Variants in SGCG observed in about 807,000 individuals in gnomAD.
SGCG encodes gamma-sarcoglycan.
In SGCG, 26 loss-of-function variants were observed where a neutral mutation model predicts 29.3. That is an observed-to-expected ratio of 0.89 (90% confidence interval 0.65 to 1.23). SGCG has a LOEUF of 1.23. SGCG is among the 50% of genes most tolerant of loss of function. SGCG has a pLI of 0.00. For synonymous variants in SGCG, 145 were observed against 129.7 expected (o/e 1.12, Z -0.80); for missense variants, 353 against 356.0 (o/e 0.99, Z 0.07).
chr13:23,243,482 CA>C (rs1879585908), intron 3 of SGCG: 1 of 152,244 alleles, frequency 6.6e-6, no homozygotes, highest in African/African-American at 2.4e-5. Context: ...CCCCTAGCCT[CA>C]AGACAGTCTG....
intron 4 of SGCG, among the ~76,000 whole-genome samples, chr13:23,251,332 C>T (rs1054078792): frequency 2.0e-5 from 3 of 152,230 alleles, no homozygotes; most frequent in African/African-American, 7.2e-5. Flanking sequence ...CACCACATTC[C>T]TTTGGGTCAG....
Position 23,324,677 on chromosome 13 carries a change from T to A in SGCG, c.*136T>A, listed in dbSNP as rs3751372. The A allele has an allele frequency of 8.4e-3, 6,434 of 769,156 alleles. 78 individuals are homozygous for A. The highest frequency in any genetic ancestry group is 0.035 in the African/African-American group (2,027 of 58,196). 47.6% of individuals were successfully genotyped at this position (769,156 alleles called of 1,614,324 possible). On this transcript the variant is annotated 3_prime_UTR_variant, in exon 8 of 8. Coordinates refer to ENST00000218867, the MANE Select transcript of SGCG (RefSeq NM_000231.3). ...TTCCAGAGGAACTCAGAAAAAATTA[T>A]GTGCCAGTGAAAGTGTTTGGACAAA...
chr13:23,172,326 CTT>C, the SGCG span, among the ~76,000 whole-genome samples: 1 of 152,106 alleles, frequency 6.6e-6, no homozygotes, highest in African/African-American at 2.4e-5. Context: ...AAACATAACA[CTT>C]AGGAAAGTCA....
In SGCG at chr13:23,275,129, A is replaced by ATATATG. The variant is rs1251496899; in HGVS notation, c.386-4225_386-4224insGTATAT. ...GTGTTCTAATGGATGGAATATATATATATATATATATATAGAAATGAGGAC... is the reference window on the plus strand; with the variant it reads ...GTGTTCTAATGGATGGAATATATATATATATGTATATATATATATAGAAATGAGGAC... On this transcript the variant is annotated intron_variant, in intron 4 of 7. Coordinates refer to ENST00000218867, the MANE Select transcript of SGCG (RefSeq NM_000231.3). Among the ~76,000 whole-genome samples, 5 of 147,428 alleles carry ATATATG rather than the reference A, an allele frequency of 3.4e-5. No individual in the cohort carries two copies. In the East Asian group the frequency reaches 9.9e-4, roughly 29 times the overall value.
chr13:23,259,717 G>T (rs144101867), intron 4 of SGCG, among the ~76,000 whole-genome samples: 3,233 of 152,274 alleles, frequency 0.021, 63 homozygotes, highest in East Asian at 0.076. Context: ...TGCTTTAAAT[G>T]CATCCCAGAG....
chr13:23,320,494 G>T, intron 6 of SGCG, 143 bp from the exon 7 acceptor site: 1 of 706,696 alleles, frequency 1.4e-6, no homozygotes, highest in Non-Finnish European at 2.4e-6. Flanking sequence ...AATGAATAAT[G>T]CACAATATGT....
At chr13:23,314,811 T>C (rs1354640470) in intron 6 of SGCG, among the ~76,000 whole-genome samples, 1 of 152,192 alleles carries the variant, frequency 6.6e-6, no homozygotes, top group Non-Finnish European at 1.5e-5. Flanking sequence ...GAAGGATAAG[T>C]TGCTGCATTT....
At chr13:23,228,576 GTTTTTTGTTTGC>G (rs1878989544) in intron 2 of SGCG, among the ~76,000 whole-genome samples, 1 of 152,082 alleles carries the variant, frequency 6.6e-6, no homozygotes, top group South Asian at 2.1e-4. Flanking sequence ...GTACCTGATA[GTTTTTTGTTTGC>G]TTGTTTGTTT....
chr13:23,264,071 G>A (rs185534556), intron 4 of SGCG, among the ~76,000 whole-genome samples: 36 of 152,172 alleles, frequency 2.4e-4, no homozygotes, highest in Admixed American at 1.2e-3. Context: ...CGTACTGAAA[G>A]TGCTAGCCAG....
chr13:23,219,861 T>G (rs1878588572), intron 2 of SGCG, among the ~76,000 whole-genome samples: 1 of 138,860 alleles, frequency 7.2e-6, no homozygotes, highest in Admixed American at 8.1e-5. Flanking sequence ...AGACGGAGTC[T>G]CGCTCTGTCG....
intron 6 of SGCG, among the ~76,000 whole-genome samples, chr13:23,308,646 C>T (rs1411001635): frequency 1.3e-5 from 2 of 152,226 alleles, no homozygotes; most frequent in Middle Eastern, 3.4e-3. Flanking sequence ...CTCACTGCAG[C>T]CTCCACCTCC....
At chr13:23,247,954 TA>T (rs200707498) in intron 3 of SGCG, among the ~76,000 whole-genome samples, 15,491 of 110,334 alleles carry the variant, frequency 0.14, 986 homozygotes, top group South Asian at 0.24. Flanking sequence ...TCCCATCTCT[TA>T]AAAAAAAAAA....
intron 4 of SGCG, among the ~76,000 whole-genome samples, chr13:23,273,683 TTTTA>T (rs1279174026): frequency 6.6e-6 from 1 of 152,228 alleles, no homozygotes; most frequent in Non-Finnish European, 1.5e-5. Context: ...TCTTTTTGCT[TTTTA>T]TTTGTGTCAG....
chr13:23,255,432 C>A (rs1880140656), intron 4 of SGCG, among the ~76,000 whole-genome samples: 3 of 152,152 alleles, frequency 2.0e-5, no homozygotes, highest in Admixed American at 6.5e-5. Context: ...GGACTTCATG[C>A]TGGAATGAGT....
chr13:23,188,480 ATTTTTTTTTT>A (rs71218545), intron 1 of SGCG, among the ~76,000 whole-genome samples: 7 of 120,492 alleles, frequency 5.8e-5, no homozygotes, highest in Admixed American at 8.4e-5. Context: ...CGCCTGCCTA[ATTTTTTTTTT>A]TTTTTTTTTT....
chr13:23,235,499 T>C lies in SGCG; in HGVS notation c.297+787T>C, dbSNP rs562178890. Reference sequence around the variant, plus strand: ...ATTCAGCATTGTTATTAAATACTTATGTGACTTTAAAAGTAAATCAAGGTT... The same window carrying C: ...ATTCAGCATTGTTATTAAATACTTACGTGACTTTAAAAGTAAATCAAGGTT... On this transcript the variant is annotated intron_variant, in intron 3 of 7. Coordinates refer to ENST00000218867, the MANE Select transcript of SGCG (RefSeq NM_000231.3). Among the ~76,000 whole-genome samples, 293 of 152,390 alleles carry C rather than the reference T, an allele frequency of 1.9e-3. 2 individuals carry two copies. The highest frequency in any genetic ancestry group is 6.7e-3 in the African/African-American group (278 of 41,600).
At chr13:23,306,209 A>T (rs1882356265) in intron 6 of SGCG, among the ~76,000 whole-genome samples, 1 of 152,124 alleles carries the variant, frequency 6.6e-6, no homozygotes, top group African/African-American at 2.4e-5. Context: ...TCTTGGTTCA[A>T]TAATTAGGAA....
intron 3 of SGCG, among the ~76,000 whole-genome samples, chr13:23,236,179 C>G (rs1453359720): frequency 1.3e-5 from 2 of 152,134 alleles, no homozygotes; most frequent in African/African-American, 4.8e-5. Flanking sequence ...TGAAACAATC[C>G]TGTCCTACAG....
chr13:23,186,345 C>G (rs1306087872), intron 1 of SGCG, among the ~76,000 whole-genome samples: 1 of 152,180 alleles, frequency 6.6e-6, no homozygotes, highest in Non-Finnish European at 1.5e-5. Context: ...CAATTCTTGT[C>G]AGAATGGTGC....
Sources: gnomAD v4.1 joint callset for allele counts (sites outside exome capture counted in the v4.1 genomes callset) on GRCh38, gnomAD v4.1.1 for gene constraint, MANE v1.5 for transcripts, NCBI Gene and HGNC (gene_info 2026-07-23, HGNC 2026-07-21) for gene names.